Variants in KCTD9 observed in about 807,000 individuals in gnomAD.
The protein encoded by KCTD9 is potassium channel tetramerization domain containing 9.
KCTD9 carries 17 observed loss-of-function variants against 53.3 expected under a neutral mutation model. That is an observed-to-expected ratio of 0.32 (90% CI 0.22 to 0.48). The LOEUF (loss-of-function observed/expected upper bound fraction) is 0.48, where lower values mean the gene tolerates loss of function less well. Ranked by LOEUF, KCTD9 falls within the 20% of genes least tolerant of loss-of-function variation. The pLI, the probability that KCTD9 is intolerant of heterozygous loss-of-function variation, is 0.99. For synonymous variants in KCTD9, 128 were observed against 162.7 expected (o/e 0.79, Z 1.62); for missense variants, 179 against 465.5 (o/e 0.38, Z 5.66).
At chr8:25,439,823 A>G in intron 4 of KCTD9, 159 bp from the exon 5 acceptor site, 2 of 1,437,476 alleles carry the variant, frequency 1.4e-6, no homozygotes, top group Non-Finnish European at 9.2e-7. Context: ...GTAAGTTGCC[A>G]TTTATCAGAT....
In KCTD9 at chr8:25,440,617, G is replaced by A. The variant is rs747427900; in HGVS notation, c.271C>T (p.Leu91=). The A allele has an allele frequency of 1.2e-6, 2 of 1,612,774 alleles. No homozygotes were observed. Among genetic ancestry groups the A allele is most frequent in the Non-Finnish European group, 1.7e-6 (2 of 1,178,848 alleles). ...EGLLGFHTDW[L]TLNVGGRYFT... ...TACCGCCCTCCAACATTTAATGTCA[G>A]CCAGTCTGTGTGGAATCCTAACAAT... The change falls in exon 4 of 12, where the codon CTG becomes TTG. Residue 91 remains leucine, a synonymous_variant. Transcript: ENST00000221200.
intron 1 of KCTD9, among the ~76,000 whole-genome samples, chr8:25,456,133 T>C (rs776422260): frequency 3.9e-5 from 6 of 152,226 alleles, no homozygotes; most frequent in South Asian, 2.1e-4. Flanking sequence ...CCAGGCTTCA[T>C]AGTCTCACAG....
intron 1 of KCTD9, among the ~76,000 whole-genome samples, chr8:25,456,057 A>G (rs1041326893): frequency 1.3e-5 from 2 of 152,218 alleles, no homozygotes; most frequent in Admixed American, 1.3e-4. Context: ...TTCAATACAC[A>G]GACAATTCCT....
intron 1 of KCTD9, among the ~76,000 whole-genome samples, chr8:25,454,640 AAAAAAC>A (rs1403299133): frequency 6.6e-6 from 1 of 152,236 alleles, no homozygotes; most frequent in African/African-American, 2.4e-5. Context: ...GAGCAGTTTT[AAAAAAC>A]AAAAACAAAA....
chr8:25,449,759 T>A (rs1221738118), intron 1 of KCTD9, among the ~76,000 whole-genome samples: 6 of 151,988 alleles, frequency 3.9e-5, no homozygotes, highest in Non-Finnish European at 8.8e-5. Context: ...GTTACCATAT[T>A]GAATAGCACA....
chr8:25,447,593 A>G (rs1257413138), intron 1 of KCTD9, among the ~76,000 whole-genome samples: 7 of 152,180 alleles, frequency 4.6e-5, no homozygotes, highest in African/African-American at 1.4e-4. Flanking sequence ...AAGCTGCTCG[A>G]TAACATACGA....
intron 10 of KCTD9, among the ~76,000 whole-genome samples, chr8:25,432,882 G>GT (rs1801955283): frequency 6.6e-6 from 1 of 152,084 alleles, no homozygotes; most frequent in African/African-American, 2.4e-5. Context: ...GCCTCTACAG[G>GT]TTTATGATAA....
At chr8:25,447,087 A>C (rs983724920) in intron 1 of KCTD9, among the ~76,000 whole-genome samples, 1 of 152,146 alleles carries the variant, frequency 6.6e-6, no homozygotes, top group South Asian at 2.1e-4. Flanking sequence ...TGACCTCTGA[A>C]AGTTAGGAAT....
chr8:25,433,189 T>G (rs1034338266), intron 10 of KCTD9, 141 bp downstream of exon 10: 7 of 434,346 alleles, frequency 1.6e-5, no homozygotes, highest in African/African-American at 6.1e-5. Context: ...CTTACCACTT[T>G]GGAAGTTCTC....
At chr8:25,450,928 T>A (rs1228947067) in intron 1 of KCTD9, among the ~76,000 whole-genome samples, 1 of 152,234 alleles carries the variant, frequency 6.6e-6, no homozygotes, top group Non-Finnish European at 1.5e-5. Context: ...AAAATTATTT[T>A]AGCAGTTTGC....
intron 11 of KCTD9, 29 bp downstream of exon 11, chr8:25,432,474 TA>T: frequency 1.3e-6 from 2 of 1,598,466 alleles, no homozygotes. Flanking sequence ...TCTAGAGTAA[TA>T]AAAATTCTTA....
chr8:25,446,539 G>T (rs907460111), intron 1 of KCTD9, among the ~76,000 whole-genome samples: 2 of 152,126 alleles, frequency 1.3e-5, no homozygotes, highest in Non-Finnish European at 2.9e-5. Flanking sequence ...CCTACACTTC[G>T]ATCTAGAGTC....
At position 25,458,262 on chromosome 8, in the gene KCTD9, G is replaced by A. The variant is rs1378308148; in HGVS notation, c.-16C>T. ...CCCGCCTCATCGCGCTGCCCCCGCT[G>A]GGTCCTGAGTGAGCCGCCACCCTCC... On this transcript the variant is annotated 5_prime_UTR_variant, in exon 1 of 12. Transcript: ENST00000221200. 1.9e-6 allele frequency: 3 copies of A among 1,609,612 alleles called. No homozygotes were observed. In the Admixed American group the frequency reaches 5.0e-5, roughly 27 times the overall value.
Position 25,439,668 on chromosome 8 carries a change from A to G in KCTD9, c.312-4T>C. The G allele has an allele frequency of 1.2e-6, 2 of 1,613,852 alleles. No individual in the cohort carries two copies. The highest frequency in any genetic ancestry group is 1.3e-5 in the African/African-American group (1 of 75,054). The stretch of plus-strand genomic sequence containing the variant: ...TTCTTTATTCACTAAAGTGCTCCTA[A>G]GAATTCAGGGAAAAAAATTGATTTC... On this transcript the variant is annotated splice_polypyrimidine_tract_variant and splice_region_variant and intron_variant, in intron 4 of 11. Coordinates refer to ENST00000221200, the MANE Select transcript of KCTD9 (RefSeq NM_017634.4).
chr8:25,454,493 A>G (rs1414831004), intron 1 of KCTD9, among the ~76,000 whole-genome samples: 1 of 152,226 alleles, frequency 6.6e-6, no homozygotes, highest in Non-Finnish European at 1.5e-5. Flanking sequence ...GAAGCCACAC[A>G]CTGCATGCAG....
chr8:25,448,828 T>C (rs931696188), intron 1 of KCTD9, among the ~76,000 whole-genome samples: 1 of 151,814 alleles, frequency 6.6e-6, no homozygotes, highest in African/African-American at 2.4e-5. Context: ...GGCAGGAGAA[T>C]TGCTTCAACC....
chr8:25,439,845 G>C, intron 4 of KCTD9, 181 bp from the exon 5 acceptor site: 1 of 1,268,496 alleles, frequency 7.9e-7, no homozygotes, highest in Non-Finnish European at 1.0e-6. Context: ...CCTTCTAATA[G>C]GGTACTTCCT....
intron 1 of KCTD9, among the ~76,000 whole-genome samples, chr8:25,448,685 C>T (rs903485312): frequency 6.6e-6 from 1 of 152,044 alleles, no homozygotes; most frequent in Non-Finnish European, 1.5e-5. Flanking sequence ...GAGGCTGAGG[C>T]GGATGGATTG....
At chr8:25,430,041 A>G (rs1801898003) in intron 11 of KCTD9, 68 bp from the exon 12 acceptor site, 1 of 867,590 alleles carries the variant, frequency 1.2e-6, no homozygotes, top group African/African-American at 1.7e-5. Context: ...TTCTGCTCAA[A>G]ATGATTTCTG....
Sources: allele counts gnomAD v4.1 joint callset (sites outside exome capture counted in the v4.1 genomes callset), GRCh38; gene constraint gnomAD v4.1.1; transcripts MANE v1.5; gene names NCBI Gene and HGNC (gene_info 2026-07-23, HGNC 2026-07-21).